Variants in GPC5 observed in about 807,000 individuals in gnomAD.
GPC5 encodes the protein glypican-5.
In GPC5, 47 loss-of-function variants were observed where a neutral mutation model predicts 53.9. That is an observed-to-expected ratio of 0.87 (90% CI 0.69 to 1.11). GPC5 has a LOEUF of 1.11. Among genes scored for constraint, GPC5 ranks in the 50% most tolerant of loss-of-function variants. GPC5 has a pLI of 0.00. For synonymous variants in GPC5, 286 were observed against 263.3 expected (o/e 1.09, Z -0.84); for missense variants, 748 against 713.1 (o/e 1.05, Z -0.56).
chr13:92,190,041 C>A (rs1023234726), intron 7 of GPC5, among the ~76,000 whole-genome samples: 2 of 152,098 alleles, frequency 1.3e-5, no homozygotes, highest in Admixed American at 6.5e-5. Context: ...TAAAAAACTA[C>A]CCCTAGGCAG....
intron 4 of GPC5, among the ~76,000 whole-genome samples, chr13:91,755,575 T>C (rs1325897050): frequency 6.6e-6 from 1 of 152,138 alleles, no homozygotes; most frequent in Non-Finnish European, 1.5e-5. Flanking sequence ...GTTTCTAAAT[T>C]AAAACAAAAC....
intron 5 of GPC5, among the ~76,000 whole-genome samples, chr13:91,844,571 G>C (rs2038826842): frequency 6.6e-6 from 1 of 152,158 alleles, no homozygotes; most frequent in Admixed American, 6.5e-5. Flanking sequence ...CACTGAGTGG[G>C]AATCTAGACC....
At chr13:91,885,600 T>C (rs1306708407) in intron 5 of GPC5, among the ~76,000 whole-genome samples, 4 of 152,200 alleles carry the variant, frequency 2.6e-5, no homozygotes. Flanking sequence ...TGCTTCTCTG[T>C]CATTAGTTCA....
chr13:91,602,496 C>T (rs2033212392), intron 2 of GPC5, among the ~76,000 whole-genome samples: 1 of 152,110 alleles, frequency 6.6e-6, no homozygotes, highest in Admixed American at 6.5e-5. Flanking sequence ...ATTGTAATAG[C>T]TTTTATATTT....
chr13:91,902,629 G>A (rs1285435495), intron 5 of GPC5, among the ~76,000 whole-genome samples: 5 of 152,070 alleles, frequency 3.3e-5, no homozygotes, highest in Admixed American at 3.3e-4. Flanking sequence ...GACTTCTGTA[G>A]GGATCTTTGA....
chr13:91,720,774 A>T (rs905250865), intron 3 of GPC5, among the ~76,000 whole-genome samples: 7 of 152,140 alleles, frequency 4.6e-5, no homozygotes, highest in African/African-American at 1.7e-4. Flanking sequence ...ATTTAATGAT[A>T]CCTTCATGTG....
At chr13:92,011,392 G>A (rs2040660306) in intron 6 of GPC5, among the ~76,000 whole-genome samples, 1 of 152,196 alleles carries the variant, frequency 6.6e-6, no homozygotes, top group South Asian at 2.1e-4. Context: ...GGTCTGAAAA[G>A]TCAAAGTCAC....
chr13:92,562,231 T>C (rs1379330480), intron 7 of GPC5, among the ~76,000 whole-genome samples: 1 of 152,092 alleles, frequency 6.6e-6, no homozygotes, highest in Non-Finnish European at 1.5e-5. Flanking sequence ...AAATCTCTTA[T>C]GAATTTCACC....
intron 5 of GPC5, among the ~76,000 whole-genome samples, chr13:91,816,351 T>A (rs1266943752): frequency 6.6e-6 from 1 of 152,148 alleles, no homozygotes; most frequent in Admixed American, 6.5e-5. Context: ...CGGTTGTGCT[T>A]CTTTCTTTCA....
At chr13:91,568,191 G>A (rs1319876288) in intron 2 of GPC5, among the ~76,000 whole-genome samples, 1 of 152,166 alleles carries the variant, frequency 6.6e-6, no homozygotes, top group Non-Finnish European at 1.5e-5. Context: ...TTATAGCACT[G>A]TGAGAATGGA....
At chr13:92,324,011 T>C (rs1300800321) in intron 7 of GPC5, among the ~76,000 whole-genome samples, 1 of 151,948 alleles carries the variant, frequency 6.6e-6, no homozygotes, top group African/African-American at 2.4e-5. Flanking sequence ...GTAGTTTCTG[T>C]TTATAAATAC....
chr13:91,942,722 GTA>G (rs959215166), intron 6 of GPC5, among the ~76,000 whole-genome samples: 24 of 151,616 alleles, frequency 1.6e-4, no homozygotes, highest in African/African-American at 5.8e-4. Context: ...TTAATGTTTT[GTA>G]TGTGTGTGTG....
intron 4 of GPC5, among the ~76,000 whole-genome samples, chr13:91,751,148 G>A (rs2037167677): frequency 6.6e-6 from 1 of 152,076 alleles, no homozygotes; most frequent in Non-Finnish European, 1.5e-5. Context: ...ACAGAATATA[G>A]TGTTCCAAAG....
intron 2 of GPC5, among the ~76,000 whole-genome samples, chr13:91,590,611 A>T (rs926450284): frequency 2.0e-5 from 3 of 152,172 alleles, no homozygotes; most frequent in African/African-American, 7.2e-5. Flanking sequence ...AATTAAGCAA[A>T]TTTACTACAA....
In GPC5 at chr13:92,007,845, A is replaced by G. The variant is rs535569363; in HGVS notation, c.1401+99788A>G. On this transcript the variant is annotated intron_variant, in intron 6 of 7. Coordinates refer to ENST00000377067, the MANE Select transcript of GPC5 (RefSeq NM_004466.6). Reference sequence around the variant, plus strand: ...TTAAAATATGGTCGCTCAAGATGAAATAGGCACTGGCAACGTATCCTAGTC... The same window carrying G: ...TTAAAATATGGTCGCTCAAGATGAAGTAGGCACTGGCAACGTATCCTAGTC... Among the ~76,000 whole-genome samples the G allele has an allele frequency of 2.6e-5, 4 of 152,250 alleles. No individual in the cohort carries two copies. In the South Asian group the frequency reaches 8.3e-4, roughly 32 times the overall value.
chr13:91,572,048 CAT>C (rs72538058), intron 2 of GPC5, among the ~76,000 whole-genome samples: 47,945 of 117,366 alleles, frequency 0.41, 11,870 homozygotes, highest in African/African-American at 0.65. Flanking sequence ...TATATACACA[CAT>C]ATGTATATAT....
At chr13:92,458,386 C>T (rs1878355429) in intron 7 of GPC5, among the ~76,000 whole-genome samples, 1 of 152,054 alleles carries the variant, frequency 6.6e-6, no homozygotes, top group African/African-American at 2.4e-5. Flanking sequence ...GCAACCTCCA[C>T]ATCCCGGGTT....
intron 5 of GPC5, among the ~76,000 whole-genome samples, chr13:91,793,897 ACCTC>A (rs898832992): frequency 4.0e-5 from 6 of 151,874 alleles, no homozygotes; most frequent in African/African-American, 1.5e-4. Flanking sequence ...TCCACCTGGT[ACCTC>A]CCTCAACATG....
chr13:92,528,494 A>G (rs1830939146), intron 7 of GPC5, among the ~76,000 whole-genome samples: 1 of 151,996 alleles, frequency 6.6e-6, no homozygotes, highest in South Asian at 2.1e-4. Context: ...ATTTATATTA[A>G]TGTCTAGTAT....
Sources: allele counts gnomAD v4.1 joint callset (sites outside exome capture counted in the v4.1 genomes callset), GRCh38; gene constraint gnomAD v4.1.1; transcripts MANE v1.5; gene names NCBI Gene and HGNC (gene_info 2026-07-23, HGNC 2026-07-21).